The following PCYT1B variants were observed in gnomAD, a reference collection of about 807,000 sequenced individuals.
PCYT1B encodes choline-phosphate cytidylyltransferase B.
Under a neutral mutation model 26.4 loss-of-function variants are expected in PCYT1B, and 10 were observed. The observed-to-expected ratio is 0.38, with a 90% CI of 0.23 to 0.64. The LOEUF (loss-of-function observed/expected upper bound fraction) is 0.64, where lower values mean the gene tolerates loss of function less well. Ranked by LOEUF, PCYT1B falls within the 30% of genes least tolerant of loss-of-function variation. PCYT1B has a pLI of 0.56. For synonymous variants in PCYT1B, 131 were observed against 108.4 expected (o/e 1.21, Z -1.29); for missense variants, 161 against 292.7 (o/e 0.55, Z 3.28).
At chrX:24,668,474 C>T (rs750186832) in intron 1 of PCYT1B, among the ~76,000 whole-genome samples, 60 of 111,269 alleles carry the variant, frequency 5.4e-4, no homozygotes, top group Non-Finnish European at 1.0e-3. Context: ...AATAAATGGT[C>T]TCTTGAAAGA....
rs757003455 is a variant in PCYT1B, at chrX:24,666,246, A to C, written c.63+6324T>G. On this transcript the variant is annotated intron_variant, in intron 1 of 7. Coordinates refer to the PCYT1B transcript ENST00000379145. ...GAGGATACAGAATAAACAGTGATTT[A>C]AATTCCTTTCACTCATTCTACAGAC... Among the ~76,000 whole-genome samples the C allele has an allele frequency of 9.9e-5, 11 of 111,257 alleles. No homozygotes were observed. The South Asian group carries it at 4.3e-3, about 43-fold the overall frequency.
intron 7 of PCYT1B, among the ~76,000 whole-genome samples, chrX:24,567,610 G>A (rs184506469): frequency 1.8e-5 from 2 of 112,131 alleles, no homozygotes; most frequent in East Asian, 5.6e-4. Flanking sequence ...CTGTCCATAC[G>A]AAAGTAGTTT....
At chrX:24,644,155 CTTAGTTA>C (rs1230580578) in intron 1 of PCYT1B, among the ~76,000 whole-genome samples, 1 of 112,020 alleles carries the variant, frequency 8.9e-6, no homozygotes, top group East Asian at 2.8e-4. Context: ...TAGCATGTGC[CTTAGTTA>C]TTAAAGTAAG....
chrX:24,591,207 A>G (rs1252510473), intron 3 of PCYT1B, among the ~76,000 whole-genome samples: 1 of 111,233 alleles, frequency 9.0e-6, no homozygotes. Context: ...GTGCTTTTAA[A>G]CAAACTGAAC....
chrX:24,570,955 G>C (rs1923803855), intron 7 of PCYT1B, among the ~76,000 whole-genome samples: 1 of 111,983 alleles, frequency 8.9e-6, no homozygotes, highest in Non-Finnish European at 1.9e-5. Context: ...TATGGTGAAG[G>C]ATACAGACAT....
At chrX:24,603,869 A>T (rs1464385090) in intron 3 of PCYT1B, among the ~76,000 whole-genome samples, 1 of 112,098 alleles carries the variant, frequency 8.9e-6, no homozygotes, top group East Asian at 2.8e-4. Flanking sequence ...TACTATGTAC[A>T]TCAAAGGAAG....
In PCYT1B at chrX:24,629,856, C is replaced by T. The variant is rs760371341; in HGVS notation, c.118-10772G>A. Among the ~76,000 whole-genome samples, 12 of 111,348 alleles carry T rather than the reference C, an allele frequency of 1.1e-4. No individual in the cohort carries two copies. The East Asian group carries it at 3.4e-3, about 31-fold the overall frequency. On this transcript the variant is annotated intron_variant, in intron 1 of 7. Transcript: ENST00000379144. ...TCAAATAGCTAGAAGACTCATAGTA[C>T]TATAAGTAAAGTCACATTTCATTGA...
upstream of PCYT1B, among the ~76,000 whole-genome samples, chrX:24,648,215 G>A (rs1431912388): frequency 9.0e-6 from 1 of 111,116 alleles, no homozygotes; most frequent in African/African-American, 3.3e-5. Flanking sequence ...GCATTCTGAA[G>A]ACACACATCC....
intron 1 of PCYT1B, among the ~76,000 whole-genome samples, chrX:24,655,313 C>G (rs1220163782): frequency 8.9e-6 from 1 of 112,354 alleles, no homozygotes; most frequent in Non-Finnish European, 1.9e-5. Flanking sequence ...TATTAACAAG[C>G]CTGCTGAGCT....
At chrX:24,568,830 C>T (rs1364867554) in intron 7 of PCYT1B, among the ~76,000 whole-genome samples, 1 of 111,749 alleles carries the variant, frequency 8.9e-6, no homozygotes, top group Admixed American at 9.6e-5. Flanking sequence ...CGCAGTGGCT[C>T]ATGCCTATAA....
At chrX:24,653,931 ATT>A (rs986207637) in intron 1 of PCYT1B, among the ~76,000 whole-genome samples, 1 of 105,562 alleles carries the variant, frequency 9.5e-6, no homozygotes, top group Non-Finnish European at 1.9e-5. Context: ...ATTTTTTTGT[ATT>A]TTTAGTAGAG....
At chrX:24,642,271 G>A (rs1332989768) in intron 1 of PCYT1B, among the ~76,000 whole-genome samples, 2 of 112,266 alleles carry the variant, frequency 1.8e-5, no homozygotes, top group African/African-American at 3.2e-5. Flanking sequence ...CTGGCTGACT[G>A]TGGATCCCAT....
chrX:24,672,498 A>G (rs1927275545), intron 1 of PCYT1B: 1 of 764,967 alleles, frequency 1.3e-6, no homozygotes, highest in Admixed American at 2.3e-5. Flanking sequence ...TTGCAGATAC[A>G]TAGGACTTTA....
chrX:24,619,929 C>T (rs1039791811), intron 1 of PCYT1B, among the ~76,000 whole-genome samples: 14 of 112,290 alleles, frequency 1.2e-4, no homozygotes, highest in African/African-American at 3.9e-4. Flanking sequence ...ACAAAGCAAG[C>T]GGTGTTTTTG....
chrX:24,576,124 T>C (rs938669374), intron 6 of PCYT1B, among the ~76,000 whole-genome samples: 1 of 112,225 alleles, frequency 8.9e-6, no homozygotes, highest in African/African-American at 3.2e-5. Context: ...GCTCAGTGTA[T>C]GTTGGCTGTT....
chrX:24,637,415 G>A (rs1926307842), intron 1 of PCYT1B, among the ~76,000 whole-genome samples: 1 of 99,144 alleles, frequency 1.0e-5, no homozygotes, highest in Non-Finnish European at 2.0e-5. Flanking sequence ...GCCGAGGCGG[G>A]AGGGTCACTT....
At chrX:24,633,209 C>CAA (rs1173874144) in intron 1 of PCYT1B, among the ~76,000 whole-genome samples, 114 of 16,227 alleles carry the variant, frequency 7.0e-3, no homozygotes, top group East Asian at 0.011. Flanking sequence ...GACTATGTCT[C>CAA]AAAAAAAAAA....
chrX:24,638,511 G>C (rs1297069265), intron 1 of PCYT1B, among the ~76,000 whole-genome samples: 1 of 112,279 alleles, frequency 8.9e-6, no homozygotes, highest in African/African-American at 3.2e-5. Flanking sequence ...GCAAGGTAGA[G>C]GCTGTTACCT....
At chrX:24,617,370 TG>T (rs1334155822) in intron 2 of PCYT1B, among the ~76,000 whole-genome samples, 47 of 56,210 alleles carry the variant, frequency 8.4e-4, no homozygotes, top group South Asian at 4.6e-3. Flanking sequence ...TTGGTTTGTT[TG>T]TTTTTTTTTT....
Sources: gnomAD v4.1 joint callset for allele counts (sites outside exome capture counted in the v4.1 genomes callset) on GRCh38, gnomAD v4.1.1 for gene constraint, MANE v1.5 for transcripts, NCBI Gene and HGNC (gene_info 2026-07-23, HGNC 2026-07-21) for gene names.